TEX36: variants seen among roughly 807,000 people sequenced by gnomAD.
TEX36 encodes testis expressed 36, also known as testis-expressed protein 36.
TEX36 carries 12 observed loss-of-function variants against 13.6 expected under a neutral mutation model. The ratio of observed to expected loss-of-function variants is 0.88; its 90% CI spans 0.56 to 1.43. TEX36 has a LOEUF of 1.43. TEX36 is among the 40% of genes most tolerant of loss of function. The pLI, the probability that TEX36 is intolerant of heterozygous loss-of-function variation, is 0.00. For missense variants in TEX36, 224 were observed against 228.3 expected (o/e 0.98, Z 0.12); for synonymous variants, 93 against 83.0 (o/e 1.12, Z -0.65).
chr10:125,622,693 G>A (rs1280975468), intron 3 of TEX36, among the ~76,000 whole-genome samples: 1 of 152,208 alleles, frequency 6.6e-6, no homozygotes, highest in Non-Finnish European at 1.5e-5. Context: ...CCAGGGCATG[G>A]TAGTACTAAG....
chr10:125,614,670 T>C (rs1846335244), intron 3 of TEX36, among the ~76,000 whole-genome samples: 9 of 152,098 alleles, frequency 5.9e-5, no homozygotes, highest in Admixed American at 5.2e-4. Flanking sequence ...TACCATGCTG[T>C]TTTGGTTACT....
chr10:125,587,168 C>T (rs995386621), intron 3 of TEX36, among the ~76,000 whole-genome samples: 1 of 152,014 alleles, frequency 6.6e-6, no homozygotes, highest in South Asian at 2.1e-4. Flanking sequence ...ATAAATTACC[C>T]AATTTCAGGT....
chr10:125,663,551 C>T (rs1287314156), intron 1 of TEX36, among the ~76,000 whole-genome samples: 1 of 152,166 alleles, frequency 6.6e-6, no homozygotes, highest in African/African-American at 2.4e-5. Flanking sequence ...CCCATCCTCG[C>T]CAACATCTGT....
chr10:125,608,197 G>A (rs1327262151), intron 3 of TEX36, among the ~76,000 whole-genome samples: 1 of 152,200 alleles, frequency 6.6e-6, no homozygotes, highest in Non-Finnish European at 1.5e-5. Flanking sequence ...GGTCCTGTGA[G>A]TGTTGCTGTA....
At chr10:125,624,205 G>T (rs1846459238) in intron 3 of TEX36, among the ~76,000 whole-genome samples, 1 of 152,088 alleles carries the variant, frequency 6.6e-6, no homozygotes, top group African/African-American at 2.4e-5. Flanking sequence ...TGAATCTCTT[G>T]ATCTTCTCCC....
At chr10:125,650,561 G>A (rs550847413) in intron 3 of TEX36, among the ~76,000 whole-genome samples, 55 of 152,182 alleles carry the variant, frequency 3.6e-4, no homozygotes, top group African/African-American at 1.3e-3. Context: ...ATCTAAAATC[G>A]ATACCCTAAC....
chr10:125,648,010 C>G (rs998392735), intron 3 of TEX36, among the ~76,000 whole-genome samples: 20 of 152,350 alleles, frequency 1.3e-4, no homozygotes, highest in African/African-American at 4.1e-4. Context: ...TCGGGAAGCT[C>G]AAACTGAGTG....
At chr10:125,667,637 C>A (rs1036145148) in intron 1 of TEX36, 1 of 720,854 alleles carries the variant, frequency 1.4e-6, no homozygotes, top group South Asian at 1.5e-5. Context: ...CTTGCTGCCC[C>A]CAACACCACC....
chr10:125,638,712 C>T (rs1253538590), intron 3 of TEX36, among the ~76,000 whole-genome samples: 9 of 152,220 alleles, frequency 5.9e-5, no homozygotes, highest in Admixed American at 5.9e-4. Flanking sequence ...CCTCTGCCTC[C>T]CCTAGCACCT....
chr10:125,611,329 A>T (rs1846287060), intron 3 of TEX36, among the ~76,000 whole-genome samples: 1 of 152,246 alleles, frequency 6.6e-6, no homozygotes, highest in South Asian at 2.1e-4. Context: ...ACCAATTTAT[A>T]TTCCCACCCG....
At chr10:125,656,245 AGTTC>A in intron 3 of TEX36, 49 bp from the exon 4 acceptor site, 18 of 487,288 alleles carry the variant, frequency 3.7e-5, no homozygotes, top group African/African-American at 1.1e-4. Flanking sequence ...AAGTTCACAT[AGTTC>A]TTTTTTTTTT....
chr10:125,627,082 C>A (rs960555116), intron 3 of TEX36, among the ~76,000 whole-genome samples: 1 of 152,202 alleles, frequency 6.6e-6, no homozygotes, highest in Non-Finnish European at 1.5e-5. Context: ...TGCCACTTTC[C>A]AGAGTCAACA....
In TEX36 at chr10:125,611,543, G is replaced by A. The variant is rs562118316; in HGVS notation, c.265-34669C>T. ...TGTGAGACTGTCCAGTTCTAAGCCC[G>A]TTTTTTATTTTTTCAGTAGGTGCAG... is the stretch of plus-strand genomic sequence containing the variant. On this transcript the variant is annotated intron_variant, in intron 3 of 3. Coordinates refer to the TEX36 transcript ENST00000532135. Among the ~76,000 whole-genome samples the A allele has an allele frequency of 4.6e-5, 7 of 152,210 alleles. No homozygotes were observed. The South Asian group carries it at 6.2e-4, about 14-fold the overall frequency.
intron 3 of TEX36, chr10:125,640,071 A>C (rs1846668083): frequency 2.8e-6 from 2 of 721,038 alleles, no homozygotes; most frequent in Non-Finnish European, 3.4e-6. Flanking sequence ...TTATCCCGTC[A>C]GTAGCTATAT....
At chr10:125,625,169 G>A (rs554889506) in intron 3 of TEX36, among the ~76,000 whole-genome samples, 11 of 152,206 alleles carry the variant, frequency 7.2e-5, no homozygotes, top group African/African-American at 2.2e-4. Context: ...GACGATATGC[G>A]TGCATCCTAA....
downstream of TEX36, among the ~76,000 whole-genome samples, chr10:125,618,410 G>T (rs1448584753): frequency 6.6e-6 from 1 of 152,132 alleles, no homozygotes; most frequent in East Asian, 1.9e-4. Context: ...TTCCCCATCT[G>T]TGTGGTTTTA....
intron 3 of TEX36, among the ~76,000 whole-genome samples, chr10:125,610,188 A>G (rs1182077301): frequency 1.3e-5 from 2 of 152,236 alleles, no homozygotes. Context: ...GCATATGATC[A>G]AGAAATAACC....
chr10:125,667,601 G>A, intron 1 of TEX36: 3 of 730,828 alleles, frequency 4.1e-6, no homozygotes, highest in South Asian at 2.9e-5. Context: ...ATTTGTCCCT[G>A]CAAGGGAGAC....
At chr10:125,635,094 C>A (rs1846606822) in intron 3 of TEX36, among the ~76,000 whole-genome samples, 2 of 152,148 alleles carry the variant, frequency 1.3e-5, no homozygotes, top group South Asian at 2.1e-4. Context: ...TGGGAACTAG[C>A]AGAATCTACC....
Sources: gnomAD v4.1 joint callset for allele counts (sites outside exome capture counted in the v4.1 genomes callset) on GRCh38, gnomAD v4.1.1 for gene constraint, MANE v1.5 for transcripts, NCBI Gene and HGNC (gene_info 2026-07-23, HGNC 2026-07-21) for gene names.